The following PRDM16 variants were observed in gnomAD, a reference collection of about 807,000 sequenced individuals.
PRDM16 encodes histone-lysine N-methyltransferase PRDM16.
A neutral mutation model predicts 110.6 loss-of-function variants in PRDM16; 23 were observed. The ratio of observed to expected loss-of-function variants is 0.21; its 90% CI spans 0.15 to 0.29. The LOEUF is 0.29. PRDM16 is among the 10% of genes least tolerant of loss of function. The pLI is 1.00. For missense variants in PRDM16, 1,615 were observed against 1,794.3 expected, an observed-to-expected ratio of 0.90 and a Z score of 1.81; for synonymous variants, 799 against 781.8, an observed-to-expected ratio of 1.02 and a Z score of -0.37.
chr1:3,166,479 TA>T (rs1643958422), intron 1 of PRDM16, among the ~76,000 whole-genome samples: 5 of 152,256 alleles, frequency 3.3e-5, no homozygotes, highest in Non-Finnish European at 7.3e-5. Context: ...CTGCTTTTGC[TA>T]AGCCCACTTG....
chr1:3,275,163 T>C (rs1430061582), intron 3 of PRDM16, among the ~76,000 whole-genome samples: 1 of 152,228 alleles, frequency 6.6e-6, no homozygotes, highest in African/African-American at 2.4e-5. Flanking sequence ...CATAAATTAC[T>C]ATCTCATCAT....
chr1:3,223,196 G>A (rs1384422737), intron 2 of PRDM16, among the ~76,000 whole-genome samples: 3 of 135,474 alleles, frequency 2.2e-5, no homozygotes, highest in Non-Finnish European at 3.0e-5. Context: ...TGCAACCTCC[G>A]AAAATCAAGG....
In PRDM16 at chr1:3,408,330, G is replaced by A. The variant is rs543860378; in HGVS notation, c.1186+2682G>A. 7.9e-5 allele frequency among the ~76,000 whole-genome samples: 12 copies of A among 152,258 alleles called. 1 individual carries two copies. The highest frequency in any genetic ancestry group is 5.8e-4 in the East Asian group (3 of 5,170). ...CCTGTGCCCTGGGCTGTGTACAAAC[G>A]TGTGTGTGCATGGGTGTAAGAGAAG... On this transcript the variant is annotated intron_variant, in intron 8 of 16. Transcript: ENST00000270722.
chr1:3,140,648 A>G (rs1643531100), intron 1 of PRDM16, among the ~76,000 whole-genome samples: 1 of 152,238 alleles, frequency 6.6e-6, no homozygotes, highest in South Asian at 2.1e-4. Flanking sequence ...GGGCTGTAAA[A>G]ACCGGGACAG....
intron 1 of PRDM16, among the ~76,000 whole-genome samples, chr1:3,076,171 C>T (rs1641895096): frequency 6.6e-6 from 1 of 152,190 alleles, no homozygotes; most frequent in African/African-American, 2.4e-5. Flanking sequence ...AGCCCGTGCT[C>T]TGTCAAGCGT....
intron 3 of PRDM16, among the ~76,000 whole-genome samples, chr1:3,269,901 A>AGAGGAGGAAAGTCCCG (rs1640396397): frequency 7.8e-6 from 1 of 128,024 alleles, no homozygotes; most frequent in Non-Finnish European, 1.6e-5. Flanking sequence ...GGAAAGTCCC[A>AGAGGAGGAAAGTCCCG]GAGGAGGACA....
intron 3 of PRDM16, among the ~76,000 whole-genome samples, chr1:3,345,271 TTTTTG>T (rs1268911210): frequency 6.6e-6 from 1 of 152,238 alleles, no homozygotes; most frequent in Non-Finnish European, 1.5e-5. Flanking sequence ...TATCAAGTTT[TTTTTG>T]TTTTAAATTA....
intron 1 of PRDM16, among the ~76,000 whole-genome samples, chr1:3,116,572 G>A (rs1569596202): frequency 6.6e-6 from 1 of 152,152 alleles, no homozygotes; most frequent in East Asian, 1.9e-4. Flanking sequence ...GGTCTGCTCA[G>A]CCCTTCCTCT....
chr1:3,188,682 G>C (rs185567683), intron 2 of PRDM16, among the ~76,000 whole-genome samples: 41 of 152,288 alleles, frequency 2.7e-4, no homozygotes, highest in Non-Finnish European at 4.6e-4. Context: ...TTGCGAGTTC[G>C]GGCACCGACT....
intron 1 of PRDM16, among the ~76,000 whole-genome samples, chr1:3,114,645 CACACACACGT>C (rs1642913853): frequency 7.1e-6 from 1 of 140,776 alleles, no homozygotes; most frequent in Admixed American, 6.8e-5. Context: ...TATGTGCAAG[CACACACACGT>C]GCACACACAA....
chr1:3,173,471 G>A (rs979680290), intron 1 of PRDM16, among the ~76,000 whole-genome samples: 1 of 152,260 alleles, frequency 6.6e-6, no homozygotes, highest in African/African-American at 2.4e-5. Context: ...GGTAGGGCCA[G>A]GTGGCCTGAG....
intron 1 of PRDM16, among the ~76,000 whole-genome samples, chr1:3,162,139 G>A (rs955292757): frequency 2.0e-5 from 3 of 152,106 alleles, no homozygotes; most frequent in South Asian, 2.1e-4. Flanking sequence ...TTAACCACCC[G>A]TGAGCGTGGC....
At chr1:3,336,615 T>G (rs935935852) in intron 3 of PRDM16, among the ~76,000 whole-genome samples, 1 of 150,992 alleles carries the variant, frequency 6.6e-6, no homozygotes, top group African/African-American at 2.4e-5. Context: ...GGTGTGAGTC[T>G]GTGAGTGCAT....
chr1:3,170,753 C>T (rs762776720), intron 1 of PRDM16, among the ~76,000 whole-genome samples: 27 of 152,152 alleles, frequency 1.8e-4, no homozygotes, highest in Non-Finnish European at 2.8e-4. Flanking sequence ...CTGTCCTGGC[C>T]GCTCCCGTCA....
chr1:3,200,885 G>A (rs1033744435), intron 2 of PRDM16, among the ~76,000 whole-genome samples: 2 of 151,974 alleles, frequency 1.3e-5, no homozygotes, highest in Admixed American at 1.3e-4. Context: ...CACAGAAGAC[G>A]AGGACAAGAG....
chr1:3,403,994 G>A (rs1643517496), intron 6 of PRDM16, among the ~76,000 whole-genome samples: 2 of 152,332 alleles, frequency 1.3e-5, no homozygotes, highest in East Asian at 1.9e-4. Context: ...GAGGGTCCGT[G>A]TTTTCTTTAC....
chr1:3,411,829 C>T lies in PRDM16; in HGVS notation c.1632C>T (p.Asp544=), dbSNP rs199499877. 676 of 1,611,022 alleles carry T rather than the reference C, an allele frequency of 4.2e-4. No homozygotes were observed. Among genetic ancestry groups the T allele is most frequent in the Non-Finnish European group, 5.3e-4 (630 of 1,178,532 alleles). The change falls in exon 9 of 17, where the codon GAC becomes GAT. Residue 544 remains aspartate, a synonymous_variant. Coordinates refer to ENST00000270722, the MANE Select transcript of PRDM16 (RefSeq NM_022114.4). The part of the protein sequence containing the change: ...LLKSPLNHTQ[D]AKLPSPLGNP... Reference sequence around the variant, plus strand: ...AGAGCCCCCTGAACCACACCCAGGACGCCAAGCTCCCCAGTCCCCTGGGGA... The same window carrying T: ...AGAGCCCCCTGAACCACACCCAGGATGCCAAGCTCCCCAGTCCCCTGGGGA...
intron 3 of PRDM16, among the ~76,000 whole-genome samples, chr1:3,276,260 C>T (rs891575632): frequency 4.6e-5 from 7 of 152,246 alleles, no homozygotes; most frequent in South Asian, 2.1e-4. Context: ...GGCAGCCCCC[C>T]GGCCCCCGCC....
Position 3,102,553 on chromosome 1 carries a change from C to T in PRDM16, c.37+33257C>T, listed in dbSNP as rs145233667. On this transcript the variant is annotated intron_variant, in intron 1 of 16. Transcript: ENST00000270722. ...GGACGGCTGGATCTGAAGTGTCCTG[C>T]ATTTCCATCTCTGGGCATTTGGGGA... Among the ~76,000 whole-genome samples the T allele has an allele frequency of 1.9e-3, 288 of 152,354 alleles. 2 individuals carry two copies. The highest frequency in any genetic ancestry group is 6.8e-3 in the African/African-American group (284 of 41,586).
Sources: gnomAD v4.1 joint callset for allele counts (sites outside exome capture counted in the v4.1 genomes callset) on GRCh38, gnomAD v4.1.1 for gene constraint, MANE v1.5 for transcripts, NCBI Gene and HGNC (gene_info 2026-07-23, HGNC 2026-07-21) for gene names.